SPEF2: variants seen among roughly 807,000 people sequenced by gnomAD.
SPEF2 encodes sperm flagellar and cilia associated 2.
Under a neutral mutation model 224.6 loss-of-function variants are expected in SPEF2, and 187 were observed. The observed-to-expected ratio is 0.83, with a 90% CI of 0.74 to 0.94. SPEF2 has a LOEUF of 0.94. SPEF2 is among the 40% of genes least tolerant of loss of function. The pLI is 0.00. For missense variants in SPEF2, 2,170 were observed against 2,135.6 expected (o/e 1.02, Z -0.32); for synonymous variants, 715 against 707.3 (o/e 1.01, Z -0.17).
chr5:35,661,247 GTATATATTATATATATATATATATATA>G (rs1419212196), intron 8 of SPEF2, among the ~76,000 whole-genome samples: 1 of 73,326 alleles, frequency 1.4e-5, no homozygotes, highest in Admixed American at 1.7e-4. Context: ...TTTTTTTTTG[GTATATATTATATATATATATATATATA>G]TATATATATA....
intron 4 of SPEF2, among the ~76,000 whole-genome samples, chr5:35,646,284 A>G (rs1747358361): frequency 6.6e-6 from 1 of 152,168 alleles, no homozygotes; most frequent in African/African-American, 2.4e-5. Flanking sequence ...GAATTTTCTC[A>G]TTGAACCATC....
intron 7 of SPEF2, among the ~76,000 whole-genome samples, chr5:35,656,241 G>A (rs1405124679): frequency 6.6e-6 from 1 of 152,098 alleles, no homozygotes. Context: ...ATTTGAAGAT[G>A]CTTTTATTCA....
In SPEF2 at chr5:35,783,765, G is replaced by A. The variant is rs536828689; in HGVS notation, c.4447+4419G>A. On this transcript the variant is annotated intron_variant, in intron 30 of 36. Coordinates refer to ENST00000356031, the MANE Select transcript of SPEF2 (RefSeq NM_024867.4). ...TTTTGTGTGCTCCAGTAAGTTCTGG[G>A]TAGGTACATCTTGTCTCCAAACATC... Among the ~76,000 whole-genome samples the A allele has an allele frequency of 7.9e-5, 12 of 152,276 alleles. No homozygotes were observed. In the South Asian group the frequency reaches 2.3e-3, roughly 29 times the overall value.
chr5:35,762,938 G>A (rs1039992536), intron 25 of SPEF2, among the ~76,000 whole-genome samples: 1 of 152,146 alleles, frequency 6.6e-6, no homozygotes, highest in South Asian at 2.1e-4. Context: ...TGGTGCTGTA[G>A]GCTACCCCCA....
At chr5:35,763,893 G>A (rs1423616801) in intron 26 of SPEF2, among the ~76,000 whole-genome samples, 191 bp downstream of exon 26, 2 of 152,132 alleles carry the variant, frequency 1.3e-5, no homozygotes, top group Non-Finnish European at 1.5e-5. Flanking sequence ...ATCATGAAAC[G>A]AACCAACATT....
chr5:35,725,296 C>T lies in SPEF2; in HGVS notation c.2915-2379C>T, dbSNP rs73084399. On this transcript the variant is annotated intron_variant, in intron 20 of 36. Coordinates refer to ENST00000356031, the MANE Select transcript of SPEF2 (RefSeq NM_024867.4). The stretch of plus-strand genomic sequence containing the variant: ...TGTTCTTTGCTGAACATGGTTGACC[C>T]CCAAGGCAATAAGAAAGCTATCACT... Among the ~76,000 whole-genome samples the T allele has an allele frequency of 2.1e-3, 317 of 152,166 alleles. 2 individuals carry two copies. Among genetic ancestry groups the T allele is most frequent in the African/African-American group, 7.4e-3 (309 of 41,530 alleles).
In SPEF2 at chr5:35,704,570, T is replaced by C; in HGVS notation, c.2415T>C (p.Tyr805=). 3.1e-6 allele frequency: 5 copies of C among 1,610,914 alleles called. No homozygotes were observed. Among genetic ancestry groups the C allele is most frequent in the Non-Finnish European group, 4.2e-6 (5 of 1,178,750 alleles). Reference sequence around the variant, plus strand: ...ATACCATAGCTGAAGAATTGTCCTATAAAACTGCTCACGAAGATATCAGTC... The same window carrying C: ...ATACCATAGCTGAAGAATTGTCCTACAAAACTGCTCACGAAGATATCAGTC... ...MNDIIAEELS[Y]KTAHEDISQR... is the part of the protein sequence containing the mutation. The change falls in exon 17 of 37, where the codon TAT becomes TAC. Residue 805 remains tyrosine (Y), a synonymous_variant. Transcript: ENST00000356031.
chr5:35,708,821 C>T, intron 18 of SPEF2, 127 bp from the exon 19 acceptor site: 1 of 842,968 alleles, frequency 1.2e-6, no homozygotes, highest in Non-Finnish European at 1.8e-6. Flanking sequence ...AAGGGAAAGC[C>T]CTAAAGCATG....
intron 10 of SPEF2, chr5:35,678,502 C>T (rs910078549): frequency 2.0e-5 from 3 of 152,264 alleles, no homozygotes; most frequent in Admixed American, 2.0e-4. Context: ...AACAGACACC[C>T]CTGCCCACTG....
intron 33 of SPEF2, 42 bp downstream of exon 33, chr5:35,795,837 A>G (rs776389162): frequency 1.3e-6 from 2 of 1,505,606 alleles, no homozygotes; most frequent in Non-Finnish European, 1.8e-6. Flanking sequence ...TTATAGCACT[A>G]ATCATTTTCT....
chr5:35,733,282 T>C (rs1745968910), intron 21 of SPEF2, among the ~76,000 whole-genome samples: 1 of 151,980 alleles, frequency 6.6e-6, no homozygotes, highest in African/African-American at 2.4e-5. Flanking sequence ...GCCCGACTAG[T>C]TTTTTGTATT....
chr5:35,743,596 C>T (rs909145891), intron 23 of SPEF2, among the ~76,000 whole-genome samples: 2 of 152,092 alleles, frequency 1.3e-5, no homozygotes, highest in Admixed American at 6.5e-5. Flanking sequence ...GCTTCATGCC[C>T]TATGACCAAA....
At chr5:35,808,155 G>A (rs1002906835) in intron 36 of SPEF2, 84 of 984,650 alleles carry the variant, frequency 8.5e-5, no homozygotes, top group South Asian at 3.8e-4. Flanking sequence ...GTGCCTAAAC[G>A]TTTTTGTTCT....
At position 35,697,768 on chromosome 5, in the gene SPEF2, G is replaced by T. The variant is rs1755540413; in HGVS notation, c.2116G>T (p.Val706Phe). The T allele has an allele frequency of 1.9e-6, 3 of 1,612,890 alleles. No homozygotes were observed. Among genetic ancestry groups the T allele is most frequent in the Non-Finnish European group, 2.5e-6 (3 of 1,179,422 alleles). The change falls in exon 15 of 37, where the codon GTT becomes TTT. Residue 706 changes from valine to phenylalanine, a missense_variant. Coordinates refer to ENST00000356031, the MANE Select transcript of SPEF2 (RefSeq NM_024867.4). ...KGKSIPDVLL[V>F]DIIVNAINEI... is the part of the protein sequence containing the mutation. The stretch of plus-strand genomic sequence containing the variant: ...AAAGAGCATTCCTGATGTGCTGCTT[G>T]TTGACATCATAGTAAATGCTATTAA...
intron 33 of SPEF2, among the ~76,000 whole-genome samples, chr5:35,798,006 T>C (rs1462994577): frequency 2.0e-5 from 3 of 152,058 alleles, no homozygotes; most frequent in African/African-American, 7.2e-5. Flanking sequence ...AAACTCCACA[T>C]CCAATACCTT....
chr5:35,714,605 T>TG (rs1292372035), intron 20 of SPEF2, among the ~76,000 whole-genome samples: 2 of 151,736 alleles, frequency 1.3e-5, no homozygotes, highest in Non-Finnish European at 2.9e-5. Context: ...TACAATTACA[T>TG]GGCCTCAGTT....
intron 7 of SPEF2, among the ~76,000 whole-genome samples, chr5:35,655,663 A>T (rs189014593): frequency 1.3e-3 from 201 of 152,290 alleles, no homozygotes; most frequent in African/African-American, 4.6e-3. Context: ...GTTTCCAGGA[A>T]AGGTGGTGGA....
At chr5:35,644,699 C>T (rs1747102636) in intron 4 of SPEF2, among the ~76,000 whole-genome samples, 174 bp downstream of exon 4, 1 of 128,486 alleles carries the variant, frequency 7.8e-6, no homozygotes, top group African/African-American at 3.1e-5. Flanking sequence ...TCCTTTTCTC[C>T]ATCCTGACTC....
chr5:35,759,719 G>T lies in SPEF2; in HGVS notation c.3620G>T (p.Arg1207Ile). The change falls in exon 25 of 37, where the codon AGA (arginine) becomes ATA (isoleucine). Residue 1207 changes from arginine to isoleucine, a missense_variant and splice_region_variant. Arg to Ile is a moderately conservative substitution (Grantham distance 97). Coordinates refer to ENST00000356031, the MANE Select transcript of SPEF2 (RefSeq NM_024867.4). ...DSKDNSESQL[R>I]IPLVPRISIS... ...AAAGACAATTCTGAAAGCCAGCTTA[G>T]GTAAGGCAGGCTATTATATCACACT... 1 of 1,570,574 alleles carries T rather than the reference G, an allele frequency of 6.4e-7. No individual in the cohort carries two copies. The highest frequency in any genetic ancestry group is 1.2e-5 in the South Asian group (1 of 84,834).
Sources: gnomAD v4.1 joint callset for allele counts (sites outside exome capture counted in the v4.1 genomes callset) on GRCh38, gnomAD v4.1.1 for gene constraint, MANE v1.5 for transcripts, NCBI Gene and HGNC (gene_info 2026-07-23, HGNC 2026-07-21) for gene names.